SNX29: variants seen among roughly 807,000 people sequenced by gnomAD.
SNX29 encodes the protein sorting nexin-29.
Under a neutral mutation model 102.1 loss-of-function variants are expected in SNX29, and 78 were observed. That is an observed-to-expected ratio of 0.76 (90% confidence interval 0.64 to 0.92). The LOEUF (loss-of-function observed/expected upper bound fraction) is 0.92, where lower values mean the gene tolerates loss of function less well. SNX29 is among the 40% of genes least tolerant of loss of function. The pLI, the probability that SNX29 is intolerant of heterozygous loss-of-function variation, is 0.00. For synonymous variants in SNX29, 580 were observed against 414.5 expected (o/e 1.40, Z -4.85); for missense variants, 1,280 against 1,061.7 (o/e 1.21, Z -2.86).
rs190471589 is a variant in SNX29, at chr16:12,111,795, G to A, written c.1403-14838G>A. ...GAGAGATCTTCAGGAGGCTGCTGGG[G>A]TAAAGCAAAATCATGGGAGTACGGA... On this transcript the variant is annotated intron_variant, in intron 11 of 20. Transcript: ENST00000566228. Among the ~76,000 whole-genome samples, 534 of 152,262 alleles carry A rather than the reference G, an allele frequency of 3.5e-3. 2 individuals carry two copies. Among genetic ancestry groups the A allele is most frequent in the Non-Finnish European group, 5.6e-3 (384 of 68,010 alleles).
At chr16:12,249,899 C>T (rs145387774) in intron 14 of SNX29, among the ~76,000 whole-genome samples, 53 of 152,340 alleles carry the variant, frequency 3.5e-4, no homozygotes, top group African/African-American at 1.1e-3. Context: ...TAATGTTAAA[C>T]ACCTGCAGGT....
intron 20 of SNX29, chr16:12,545,625 C>T (rs905246179): frequency 6.6e-6 from 1 of 152,162 alleles, no homozygotes; most frequent in Non-Finnish European, 1.5e-5. Context: ...GGGTCTGGCT[C>T]TTTTCTTCTG....
At chr16:12,282,109 T>C (rs75839166) in intron 15 of SNX29, among the ~76,000 whole-genome samples, 2 of 79,060 alleles carry the variant, frequency 2.5e-5, no homozygotes, top group Non-Finnish European at 5.5e-5. Context: ...AAAAAAAAAA[T>C]GCAGAGCTGG....
At chr16:12,390,816 T>G (rs1179248367) in intron 16 of SNX29, among the ~76,000 whole-genome samples, 1 of 151,636 alleles carries the variant, frequency 6.6e-6, no homozygotes, top group Non-Finnish European at 1.5e-5. Flanking sequence ...GTGGAGTGGC[T>G]TATTCTCGGC....
At position 12,551,018 on chromosome 16, in the gene SNX29, T is replaced by A. The variant is rs115627104; in HGVS notation, c.2319-17488T>A. Among the ~76,000 whole-genome samples, 775 of 152,186 alleles carry A rather than the reference T, an allele frequency of 5.1e-3. 7 individuals are homozygous for A. Among genetic ancestry groups the A allele is most frequent in the South Asian group, 0.015 (73 of 4,816 alleles). ...TCTAAATATTTCTTCTCTGGCCGAG[T>A]GATGGGCTTCTAAACAAGGTGTCAT... On this transcript the variant is annotated intron_variant, in intron 20 of 20. Coordinates refer to ENST00000566228, the MANE Select transcript of SNX29 (RefSeq NM_032167.5).
chr16:12,317,814 C>T (rs900263238), intron 15 of SNX29, among the ~76,000 whole-genome samples: 1 of 152,240 alleles, frequency 6.6e-6, no homozygotes, highest in Non-Finnish European at 1.5e-5. Context: ...GTCTCTTCAT[C>T]TGCAAAATGG....
intron 16 of SNX29, among the ~76,000 whole-genome samples, chr16:12,362,561 C>CT (rs2082334098): frequency 2.9e-5 from 1 of 34,376 alleles, no homozygotes; most frequent in Non-Finnish European, 8.3e-5. Flanking sequence ...ACTCCCCCCC[C>CT]ACCCCCCCCC....
intron 19 of SNX29, among the ~76,000 whole-genome samples, chr16:12,513,309 C>G (rs1329862625): frequency 6.7e-6 from 1 of 148,318 alleles, no homozygotes; most frequent in African/African-American, 2.5e-5. Flanking sequence ...GCCCTCCTCT[C>G]CCCTTCTCTC....
intron 20 of SNX29, chr16:12,560,617 C>T (rs1445529917): frequency 3.3e-5 from 5 of 153,202 alleles, no homozygotes; most frequent in South Asian, 4.1e-4. Flanking sequence ...GCAACAGCTG[C>T]CTTGTCACAT....
At chr16:12,092,151 C>A (rs536815033) in intron 11 of SNX29, among the ~76,000 whole-genome samples, 1 of 152,286 alleles carries the variant, frequency 6.6e-6, no homozygotes, top group South Asian at 2.1e-4. Flanking sequence ...CCTCACTCCC[C>A]TCTTTAGTTT....
chr16:12,105,502 G>A (rs749021731), intron 11 of SNX29, among the ~76,000 whole-genome samples: 15 of 151,906 alleles, frequency 9.9e-5, no homozygotes, highest in Admixed American at 2.0e-4. Context: ...GATTACAGGC[G>A]TGAGCCACCA....
chr16:12,201,618 T>A (rs981271074), intron 14 of SNX29, among the ~76,000 whole-genome samples: 2 of 152,232 alleles, frequency 1.3e-5, no homozygotes, highest in African/African-American at 4.8e-5. Flanking sequence ...GGGGAGCCCA[T>A]TAAATATACC....
At position 12,568,998 on chromosome 16, in the gene SNX29, A is replaced by G. The variant is rs928803903; in HGVS notation, c.*369A>G. On this transcript the variant is annotated 3_prime_UTR_variant, in exon 21 of 21. Transcript: ENST00000566228. ...TTGAGAGGCAAAGGTGATCCCCTAT[A>G]TAGGAAGGTTCATGCAGAGCCAGCC... is the stretch of plus-strand genomic sequence containing the variant. The G allele has an allele frequency of 5.2e-5, 15 of 287,346 alleles. No individual in the cohort carries two copies. The highest frequency in any genetic ancestry group is 8.5e-5 in the Non-Finnish European group (13 of 153,588). The allele number at this position is 287,346 out of a possible 1,614,324, so 17.8% of individuals were successfully genotyped here.
intron 20 of SNX29, among the ~76,000 whole-genome samples, chr16:12,548,486 C>G (rs1394507103): frequency 1.3e-5 from 2 of 152,224 alleles, no homozygotes; most frequent in Admixed American, 6.5e-5. Flanking sequence ...TTCAGGATGA[C>G]TAGTCAGGGT....
intron 16 of SNX29, among the ~76,000 whole-genome samples, chr16:12,392,768 CA>C: frequency 6.6e-6 from 1 of 152,244 alleles, no homozygotes; most frequent in African/African-American, 2.4e-5. Context: ...ACAAAAACAA[CA>C]ACAAAAGCCA....
intron 14 of SNX29, among the ~76,000 whole-genome samples, chr16:12,232,585 C>T (rs75469563): frequency 2.6e-5 from 4 of 152,174 alleles, no homozygotes; most frequent in East Asian, 1.9e-4. Context: ...GAAGAGTTTT[C>T]GTTTTTAATC....
At chr16:12,154,138 C>T (rs1450088450) in intron 13 of SNX29, among the ~76,000 whole-genome samples, 2 of 152,160 alleles carry the variant, frequency 1.3e-5, no homozygotes, top group African/African-American at 2.4e-5. Context: ...TTCCTTCTCC[C>T]TCCCCACCGA....
At chr16:12,281,802 G>T (rs780744980) in intron 15 of SNX29, among the ~76,000 whole-genome samples, 121 of 152,220 alleles carry the variant, frequency 7.9e-4, no homozygotes, top group Non-Finnish European at 1.5e-3. Flanking sequence ...TGGGCGTGGT[G>T]GCTCAAACCT....
Position 12,364,865 on chromosome 16 carries a change from G to A in SNX29, c.1899+8586G>A, listed in dbSNP as rs527468899. Among the ~76,000 whole-genome samples, 296 of 152,172 alleles carry A rather than the reference G, an allele frequency of 1.9e-3. 2 individuals are homozygous for A. Among genetic ancestry groups the A allele is most frequent in the African/African-American group, 6.8e-3 (281 of 41,514 alleles). On this transcript the variant is annotated intron_variant, in intron 16 of 20. Coordinates refer to ENST00000566228, the MANE Select transcript of SNX29 (RefSeq NM_032167.5). ...CCTGACTCCAAGCATCCATGCTGTCGGCTCCTTCCCCACCACCTCCGCTCT... is the reference window on the plus strand; with the variant it reads ...CCTGACTCCAAGCATCCATGCTGTCAGCTCCTTCCCCACCACCTCCGCTCT...
Sources: gnomAD v4.1 joint callset for allele counts (sites outside exome capture counted in the v4.1 genomes callset) on GRCh38, gnomAD v4.1.1 for gene constraint, MANE v1.5 for transcripts, NCBI Gene and HGNC (gene_info 2026-07-23, HGNC 2026-07-21) for gene names.